Variants in BMPR1B observed in about 807,000 individuals in gnomAD.
BMPR1B encodes the protein bone morphogenetic protein receptor type-1B.
Under a neutral mutation model 59.1 loss-of-function variants are expected in BMPR1B, and 12 were observed. That is an observed-to-expected ratio of 0.20 (90% CI 0.13 to 0.33). BMPR1B has a LOEUF of 0.33. Among genes scored for constraint, BMPR1B ranks in the 10% least tolerant of loss-of-function variants. The probability of loss-of-function intolerance (pLI) is 1.00; values close to 1 mark genes in which losing one functional copy is unlikely to be tolerated. For synonymous variants in BMPR1B, 237 were observed against 207.3 expected, an observed-to-expected ratio of 1.14 and a Z score of -1.23; for missense variants, 550 against 610.9, an observed-to-expected ratio of 0.90 and a Z score of 1.05.
chr4:95,081,551 A>AT (rs997769891), intron 3 of BMPR1B, among the ~76,000 whole-genome samples: 4 of 151,524 alleles, frequency 2.6e-5, no homozygotes, highest in East Asian at 3.9e-4. Flanking sequence ...TGGACCAAAC[A>AT]TTTTTTTTTC....
intron 1 of BMPR1B, among the ~76,000 whole-genome samples, chr4:94,758,835 C>G (rs1051168485): frequency 6.6e-6 from 1 of 152,094 alleles, no homozygotes; most frequent in Admixed American, 6.6e-5. Flanking sequence ...GTCTGTCTCC[C>G]TCTCCCCACC....
chr4:94,871,823 T>C (rs1726510270), intron 1 of BMPR1B, among the ~76,000 whole-genome samples: 1 of 152,222 alleles, frequency 6.6e-6, no homozygotes, highest in East Asian at 1.9e-4. Context: ...ATTACTGAAA[T>C]ACTTTAAGGC....
chr4:95,021,137 G>A (rs189277397), intron 3 of BMPR1B, among the ~76,000 whole-genome samples: 3 of 152,156 alleles, frequency 2.0e-5, no homozygotes, highest in East Asian at 3.8e-4. Context: ...AACAAATAGC[G>A]TATTCCTAAT....
intron 2 of BMPR1B, among the ~76,000 whole-genome samples, chr4:94,955,474 G>T (rs1312497872): frequency 1.3e-5 from 2 of 152,106 alleles, no homozygotes; most frequent in African/African-American, 4.8e-5. Context: ...GCCTTAAATA[G>T]ATTTGTATGT....
chr4:95,131,396 T>G lies in BMPR1B; in HGVS notation c.960T>G (p.Phe320Leu). 3 of 1,614,052 alleles carry G rather than the reference T, an allele frequency of 1.9e-6. No homozygotes were observed. Among genetic ancestry groups the G allele is most frequent in the Non-Finnish European group, 2.5e-6 (3 of 1,180,000 alleles). ...SGLCHLHTEIFSTQGKPAIAH... is the reference protein window; with the variant it reads ...SGLCHLHTEILSTQGKPAIAH... ...TATGTCATTTACACACAGAAATCTT[T>G]AGTACTCAAGGCAAACCAGCAATTG... Residue 320 changes from phenylalanine to leucine, a missense_variant, in exon 10 of 13, where the codon TTT (phenylalanine) becomes TTG (leucine). Phe to Leu is a conservative substitution (Grantham distance 22, BLOSUM62 0). This residue lies in a region of BMPR1B where 318 missense variants were observed against 284.6 expected (regional missense o/e 1.12). Transcript: ENST00000515059.
At chr4:94,924,090 G>A (rs2044327) in intron 2 of BMPR1B, among the ~76,000 whole-genome samples, 39,428 of 151,942 alleles carry the variant, frequency 0.26, 6,482 homozygotes, top group African/African-American at 0.46. Flanking sequence ...CTTCCGAGGA[G>A]TATTTTTTCC....
chr4:95,023,368 C>A (rs141067509), intron 3 of BMPR1B, among the ~76,000 whole-genome samples: 204 of 152,190 alleles, frequency 1.3e-3, no homozygotes, highest in African/African-American at 4.6e-3. Flanking sequence ...CTTTAAGACT[C>A]ATTTCTTTTA....
At chr4:94,959,636 A>G (rs937580076) in intron 2 of BMPR1B, among the ~76,000 whole-genome samples, 27 of 152,296 alleles carry the variant, frequency 1.8e-4, no homozygotes, top group African/African-American at 5.8e-4. Flanking sequence ...GAAATGTAAT[A>G]TAAAATTTCA....
At chr4:94,774,082 T>G (rs1463838774) in intron 1 of BMPR1B, among the ~76,000 whole-genome samples, 3 of 152,094 alleles carry the variant, frequency 2.0e-5, no homozygotes, top group Non-Finnish European at 2.9e-5. Context: ...CTATTATTTT[T>G]ATATGTGTGG....
At chr4:95,115,207 C>T (rs1731927997) in intron 5 of BMPR1B, among the ~76,000 whole-genome samples, 1 of 152,164 alleles carries the variant, frequency 6.6e-6, no homozygotes, top group African/African-American at 2.4e-5. Flanking sequence ...GATCTTCTCA[C>T]AATGACAGAA....
At chr4:95,112,715 C>A (rs180785568) in intron 4 of BMPR1B, among the ~76,000 whole-genome samples, 4 of 152,158 alleles carry the variant, frequency 2.6e-5, no homozygotes, top group Admixed American at 2.0e-4. Context: ...TCTCTCTTTG[C>A]AGACAAGGGG....
At chr4:94,808,382 A>G (rs1318865282) in intron 1 of BMPR1B, among the ~76,000 whole-genome samples, 8 of 152,202 alleles carry the variant, frequency 5.3e-5, no homozygotes, top group African/African-American at 1.4e-4. Context: ...TTGATAATAT[A>G]GCAACATTAC....
At chr4:94,822,503 G>A (rs1724243656) in intron 1 of BMPR1B, among the ~76,000 whole-genome samples, 1 of 152,136 alleles carries the variant, frequency 6.6e-6, no homozygotes, top group African/African-American at 2.4e-5. Flanking sequence ...AATAAAGAAT[G>A]AGGAGCAAAA....
At chr4:94,806,484 C>G (rs1723606401) in intron 1 of BMPR1B, among the ~76,000 whole-genome samples, 1 of 152,168 alleles carries the variant, frequency 6.6e-6, no homozygotes, top group Non-Finnish European at 1.5e-5. Context: ...TAAATGAGAG[C>G]AATACCTATC....
rs895844644 is a variant in BMPR1B at position 95,091,388 on chromosome 4, T to G, written c.-17-13020T>G. ...AACATAGCTCATTGCTTGACCGGAA[T>G]AATGTCTCTTGCCAGCTTATAATCA... is the stretch of plus-strand genomic sequence containing the variant. On this transcript the variant is annotated intron_variant, in intron 3 of 12. Transcript: ENST00000515059. 4.6e-6 allele frequency: 4 copies of G among 878,286 alleles called. No individual in the cohort carries two copies. The South Asian group carries it at 1.6e-4, about 34-fold the overall frequency. 54.4% of individuals were successfully genotyped at this position (878,286 alleles called of 1,614,324 possible).
intron 2 of BMPR1B, among the ~76,000 whole-genome samples, chr4:94,910,430 T>C (rs1030684924): frequency 6.6e-6 from 1 of 152,096 alleles, no homozygotes; most frequent in Non-Finnish European, 1.5e-5. Context: ...TTGAAGTAGA[T>C]TGAAGTCTCT....
At chr4:95,120,964 A>C (rs145107088) in intron 6 of BMPR1B, among the ~76,000 whole-genome samples, 1 of 151,956 alleles carries the variant, frequency 6.6e-6, no homozygotes, top group Non-Finnish European at 1.5e-5. Context: ...GTGTGCCATC[A>C]TGCCCAGCTA....
At chr4:94,907,673 CAT>C (rs760298844) in intron 2 of BMPR1B, among the ~76,000 whole-genome samples, 14 of 151,960 alleles carry the variant, frequency 9.2e-5, no homozygotes, top group Non-Finnish European at 1.8e-4. Flanking sequence ...ATGTTGTTAT[CAT>C]GTGTGTATCG....
chr4:95,124,980 T>C lies in BMPR1B; in HGVS notation c.447-3T>C. 6.2e-7 allele frequency: 1 copy of C among 1,610,694 alleles called. No homozygotes were observed. The highest frequency in any genetic ancestry group is 2.2e-5 in the East Asian group (1 of 44,842). On this transcript the variant is annotated splice_polypyrimidine_tract_variant and splice_region_variant and intron_variant, in intron 7 of 12. Coordinates refer to ENST00000515059, the MANE Select transcript of BMPR1B (RefSeq NM_001203.3). The stretch of plus-strand genomic sequence containing the variant: ...AAAATTATCTTCATCTATCCATCTT[T>C]AGGTATAAAAGACAAGAAACCAGAC...
Sources: allele counts gnomAD v4.1 joint callset (sites outside exome capture counted in the v4.1 genomes callset), GRCh38; gene constraint gnomAD v4.1.1; regional missense constraint gnomAD v4.1.1; transcripts MANE v1.5; gene names NCBI Gene and HGNC (gene_info 2026-07-23, HGNC 2026-07-21).